ANK1: variants seen among roughly 807,000 people sequenced by gnomAD.
The protein encoded by ANK1 is ankyrin-1.
Under a neutral mutation model 210.4 loss-of-function variants are expected in ANK1, and 51 were observed. The observed-to-expected ratio is 0.24, with a 90% CI of 0.19 to 0.31. The LOEUF is 0.31. Ranked by LOEUF, ANK1 falls within the 10% of genes least tolerant of loss-of-function variation. ANK1 has a pLI of 1.00. For synonymous variants in ANK1, 967 were observed against 1,025.9 expected (o/e 0.94, Z 1.10); for missense variants, 2,051 against 2,504.4 (o/e 0.82, Z 3.86).
chr8:41,829,446 T>C (rs1806160615), intron 1 of ANK1: 1 of 152,288 alleles, frequency 6.6e-6, no homozygotes, highest in Non-Finnish European at 1.5e-5. Context: ...TAAGTGCTAC[T>C]TGCTCAAGGC....
At chr8:41,809,006 G>C (rs563697760) in intron 1 of ANK1, among the ~76,000 whole-genome samples, 11 of 152,310 alleles carry the variant, frequency 7.2e-5, no homozygotes, top group Admixed American at 6.5e-4. Context: ...ATCCCCACTA[G>C]TCACCCAGCT....
Position 41,694,227 on chromosome 8 carries a change from C to T in ANK1, c.3328-125G>A. The T allele has an allele frequency of 9.8e-7, 1 of 1,024,770 alleles. No homozygotes were observed. Among genetic ancestry groups the T allele is most frequent in the Non-Finnish European group, 1.4e-6 (1 of 701,014 alleles). The allele number at this position is 1,024,770 out of a possible 1,614,324, so 63.5% of individuals were successfully genotyped here. On this transcript the variant is annotated intron_variant, in intron 28 of 42. Transcript: ENST00000289734. This position sits in a 1 kb window ranked among gnomAD's most constrained non-coding sequence, Gnocchi z 5.7. ...GGGGTCCCGCCCTGCTGTTGGACCA[C>T]AGAACCGACACGGTGGAGCTTGCCT...
intron 1 of ANK1, among the ~76,000 whole-genome samples, chr8:41,846,983 G>A (rs1000597690): frequency 1.3e-5 from 2 of 152,146 alleles, no homozygotes; most frequent in Non-Finnish European, 2.9e-5. Context: ...CATTACCATC[G>A]CCTCTCATGG....
chr8:41,694,924 C>A lies in ANK1; in HGVS notation c.3116-121G>T. ...GCACACACCCTCCCCAGGTGCCGGG[C>A]GGCATAGTGGCCAGAAGAAGTGGCC... On this transcript the variant is annotated intron_variant, in intron 27 of 42. Coordinates refer to ENST00000289734, the MANE Select transcript of ANK1 (RefSeq NM_000037.4). The surrounding 1 kb of genome is among the most constrained non-coding windows in gnomAD (Gnocchi z 5.7). The A allele has an allele frequency of 8.5e-6, 10 of 1,177,644 alleles. No homozygotes were observed. The highest frequency in any genetic ancestry group is 3.8e-5 in the South Asian group (3 of 78,800). The allele number at this position is 1,177,644 out of a possible 1,614,324, so 72.9% of individuals were successfully genotyped here. A position where few individuals can be genotyped will look rare whatever the true frequency, so the allele number is the denominator to read the frequency against.
intron 1 of ANK1, among the ~76,000 whole-genome samples, chr8:41,821,210 C>G (rs1271662707): frequency 6.6e-6 from 1 of 152,098 alleles, no homozygotes; most frequent in Non-Finnish European, 1.5e-5. Context: ...TCTACAAAAT[C>G]ATGAGAGACT....
chr8:41,737,927 G>T (rs961894245), intron 2 of ANK1, among the ~76,000 whole-genome samples: 7 of 152,180 alleles, frequency 4.6e-5, no homozygotes, highest in Admixed American at 4.6e-4. Context: ...GGAGAACCTC[G>T]TCTGTGTCTG....
chr8:41,719,832 C>T lies in ANK1; in HGVS notation c.936G>A (p.Ala312=), dbSNP rs545633406. Residue 312 remains alanine (A), a synonymous_variant, in exon 10 of 43, where the codon GCG becomes GCA. Coordinates refer to ENST00000289734, the MANE Select transcript of ANK1 (RefSeq NM_000037.4). ...CACAGTCGAGGTGGTCTCCCTGAGCCGCCATGTGAATTGGGGACAGGCCGT... is the reference window on the plus strand; with the variant it reads ...CACAGTCGAGGTGGTCTCCCTGAGCTGCCATGTGAATTGGGGACAGGCCGT... ...TKNGLSPIHM[A]AQGDHLDCVR... 11 of 1,614,200 alleles carry T rather than the reference C, an allele frequency of 6.8e-6. No individual in the cohort carries two copies. Among genetic ancestry groups the T allele is most frequent in the East Asian group, 4.5e-5 (2 of 44,884 alleles).
intron 1 of ANK1, among the ~76,000 whole-genome samples, chr8:41,870,807 G>C (rs1815329135): frequency 6.6e-6 from 1 of 152,218 alleles, no homozygotes; most frequent in South Asian, 2.1e-4. Context: ...CATGGCACCT[G>C]GGCTCCGCTT....
At position 41,719,329 on chromosome 8, in the gene ANK1, A is replaced by G. The variant is rs553524300; in HGVS notation, c.1107+332T>C. Among the ~76,000 whole-genome samples the G allele has an allele frequency of 2.1e-3, 323 of 152,290 alleles. 1 individual carries two copies. Among genetic ancestry groups the G allele is most frequent in the African/African-American group, 7.5e-3 (313 of 41,564 alleles). On this transcript the variant is annotated intron_variant, in intron 10 of 42. Coordinates refer to ENST00000289734, the MANE Select transcript of ANK1 (RefSeq NM_000037.4). ...AGCCTCTAAGGAATCACTCAGCTCC[A>G]GGCCTGGCTCCACTGGAGAGATGCC...
chr8:41,677,275 T>C (rs1380537283), intron 37 of ANK1, among the ~76,000 whole-genome samples: 2 of 152,202 alleles, frequency 1.3e-5, no homozygotes, highest in South Asian at 2.1e-4. Flanking sequence ...TTATCAATGT[T>C]ATTGATCTTT....
intron 21 of ANK1, among the ~76,000 whole-genome samples, 176 bp from the exon 22 acceptor site, chr8:41,701,798 A>G (rs1310358124): frequency 6.6e-6 from 1 of 152,200 alleles, no homozygotes; most frequent in East Asian, 1.9e-4. Context: ...GACCCGGGAA[A>G]ACTGGCTTCC....
At chr8:41,698,858 G>A (rs1381072148) in intron 23 of ANK1, among the ~76,000 whole-genome samples, 5 of 151,818 alleles carry the variant, frequency 3.3e-5, no homozygotes, top group African/African-American at 7.3e-5. Context: ...GTGCAGTGGC[G>A]CGATCTTGGC....
rs113377681 is a variant in ANK1 at position 41,718,073 on chromosome 8, C to A, written c.1206+33G>T. The A allele has an allele frequency of 3.7e-4, 596 of 1,602,614 alleles. 2 individuals are homozygous for A. The African/African-American group carries it at 6.6e-3, about 18-fold the overall frequency. Reference sequence around the variant, plus strand: ...AAGGTGGGTCGGGGGAGACCACAGGCCTGCCCCCAGGCTCCTCTGCAGTCT... The same window carrying A: ...AAGGTGGGTCGGGGGAGACCACAGGACTGCCCCCAGGCTCCTCTGCAGTCT... On this transcript the variant is annotated intron_variant, in intron 11 of 42. Coordinates refer to ENST00000289734, the MANE Select transcript of ANK1 (RefSeq NM_000037.4).
chr8:41,818,759 G>A (rs534600504), intron 1 of ANK1, among the ~76,000 whole-genome samples: 149 of 152,090 alleles, frequency 9.8e-4, no homozygotes, highest in Middle Eastern at 3.4e-3. Context: ...GCTAGTGAGA[G>A]AGGAGAATGG....
At chr8:41,676,119 AAT>A (rs750261360) in intron 37 of ANK1, among the ~76,000 whole-genome samples, 2 of 152,242 alleles carry the variant, frequency 1.3e-5, no homozygotes, top group Non-Finnish European at 2.9e-5. Flanking sequence ...AATAGCTAGG[AAT>A]GGAATGACTT....
chr8:41,669,361 A>T (rs550394051), intron 38 of ANK1, among the ~76,000 whole-genome samples: 1 of 151,992 alleles, frequency 6.6e-6, no homozygotes, highest in Non-Finnish European at 1.5e-5. Context: ...CAGTGGTACA[A>T]TCACAGCTCA....
intron 1 of ANK1, among the ~76,000 whole-genome samples, chr8:41,784,043 G>A (rs572128733): frequency 1.5e-5 from 2 of 129,324 alleles, no homozygotes; most frequent in African/African-American, 5.7e-5. Context: ...TGGTGGCATC[G>A]CAAGACCCTA....
intron 22 of ANK1, chr8:41,700,321 G>T: frequency 8.2e-7 from 1 of 1,226,466 alleles, no homozygotes; most frequent in Non-Finnish European, 1.2e-6. Flanking sequence ...CAGCTTATTA[G>T]CTGTCAGAGG....
chr8:41,792,940 A>G (rs1848042428), intron 1 of ANK1, among the ~76,000 whole-genome samples: 1 of 152,260 alleles, frequency 6.6e-6, no homozygotes, highest in African/African-American at 2.4e-5. Context: ...CACTGTGCTA[A>G]GTGCCAAGGA....
Sources: allele counts gnomAD v4.1 joint callset (sites outside exome capture counted in the v4.1 genomes callset), GRCh38; gene constraint gnomAD v4.1.1; non-coding constraint Gnocchi (gnomAD v3.1); transcripts MANE v1.5; gene names NCBI Gene and HGNC (gene_info 2026-07-23, HGNC 2026-07-21).